Variants in ALPK3 observed in about 807,000 individuals in gnomAD.
The protein encoded by ALPK3 is alpha kinase 3.
Under a neutral mutation model 140.0 loss-of-function variants are expected in ALPK3, and 102 were observed. The ratio of observed to expected loss-of-function variants is 0.73; its 90% confidence interval spans 0.62 to 0.86. The LOEUF is 0.86. Among genes scored for constraint, ALPK3 ranks in the 40% least tolerant of loss-of-function variants. The pLI, the probability that ALPK3 is intolerant of heterozygous loss-of-function variation, is 0.00. For synonymous variants in ALPK3, 938 were observed against 898.5 expected (o/e 1.04, Z -0.79); for missense variants, 2,254 against 2,208.2 (o/e 1.02, Z -0.42).
rs542285434 is a variant in ALPK3, at chr15:84,855,758, A to G, written c.1654-634A>G. 2.0e-5 allele frequency among the ~76,000 whole-genome samples: 3 copies of G among 152,342 alleles called. No homozygotes were observed. The South Asian group carries it at 6.2e-4, about 32-fold the overall frequency. On this transcript the variant is annotated intron_variant, in intron 5 of 13. Coordinates refer to ENST00000258888, the MANE Select transcript of ALPK3 (RefSeq NM_020778.5). ...CTGTATGAGGAGTAAGTGGGGTAATATCATATACAGGGGCCTAGCATAGTG... is the reference window on the plus strand; with the variant it reads ...CTGTATGAGGAGTAAGTGGGGTAATGTCATATACAGGGGCCTAGCATAGTG...
intron 10 of ALPK3, 45 bp downstream of exon 10, chr15:84,862,960 C>A (rs762012315): frequency 4.5e-5 from 72 of 1,583,702 alleles, no homozygotes; most frequent in Admixed American, 1.4e-4. Context: ...TTCTCTCACC[C>A]CCTCCCCTTT....
intron 3 of ALPK3, among the ~76,000 whole-genome samples, chr15:84,832,232 G>T (rs1208090711): frequency 6.6e-6 from 1 of 152,138 alleles, no homozygotes; most frequent in Non-Finnish European, 1.5e-5. Flanking sequence ...TTCTGGTGTC[G>T]AAAGGATAGT....
chr15:84,842,391 T>A (rs1405388596), intron 5 of ALPK3, among the ~76,000 whole-genome samples: 1 of 152,224 alleles, frequency 6.6e-6, no homozygotes, highest in Non-Finnish European at 1.5e-5. Context: ...CTGGTTTTGG[T>A]GAGAACTAAG....
intron 9 of ALPK3, among the ~76,000 whole-genome samples, chr15:84,861,230 A>G (rs1274815068): frequency 2.6e-5 from 4 of 152,120 alleles, no homozygotes; most frequent in Non-Finnish European, 4.4e-5. Context: ...TTCCTTTGCC[A>G]TATGTTTGTT....
At chr15:84,841,820 G>C (rs1028752029) in intron 5 of ALPK3, among the ~76,000 whole-genome samples, 1 of 152,116 alleles carries the variant, frequency 6.6e-6, no homozygotes, top group Non-Finnish European at 1.5e-5. Context: ...GGGCTTGGGG[G>C]GCATTATTTC....
At position 84,858,290 on chromosome 15, in the gene ALPK3, A is replaced by AGAAAGG. The variant is rs756614935; in HGVS notation, c.3555_3560dup (p.Arg1186_Glu1187dup). 1.3e-5 allele frequency: 21 copies of AGAAAGG among 1,581,008 alleles called. No homozygotes were observed. Among genetic ancestry groups the AGAAAGG allele is most frequent in the Admixed American group, 1.8e-5 (1 of 54,928 alleles). On this transcript the variant is annotated inframe_insertion, in exon 6 of 14. Transcript: ENST00000258888. ...GAGACGGGGAGGCAACCACACCTGA[A>AGAAAGG]GAAAGGGAGAGCCCCACGGTTTCCC... is the stretch of plus-strand genomic sequence containing the variant.
chr15:84,825,706 T>C (rs539927547), intron 2 of ALPK3, among the ~76,000 whole-genome samples: 10 of 152,314 alleles, frequency 6.6e-5, no homozygotes, highest in African/African-American at 2.4e-4. Flanking sequence ...AATTGCAGAC[T>C]CATGGAAGTA....
At chr15:84,852,704 C>T (rs1050947373) in intron 5 of ALPK3, 7 of 179,010 alleles carry the variant, frequency 3.9e-5, no homozygotes, top group South Asian at 3.6e-4. Flanking sequence ...CCACGGAAAG[C>T]GAAACCGTGA....
chr15:84,855,238 C>G, intron 5 of ALPK3, among the ~76,000 whole-genome samples: 1 of 152,170 alleles, frequency 6.6e-6, no homozygotes. Flanking sequence ...CTTGGGGTGA[C>G]CTTTGTCTAC....
At chr15:84,824,929 C>T (rs577396047) in intron 2 of ALPK3, among the ~76,000 whole-genome samples, 4 of 152,076 alleles carry the variant, frequency 2.6e-5, no homozygotes, top group African/African-American at 4.8e-5. Context: ...CTTGTGGCAA[C>T]GAGAAGCTGT....
intron 1 of ALPK3, among the ~76,000 whole-genome samples, chr15:84,822,370 GTGT>G (rs958923089): frequency 1.3e-5 from 2 of 152,164 alleles, no homozygotes; most frequent in African/African-American, 4.8e-5. Context: ...GATGGGTTTG[GTGT>G]TGTGGTTATA....
intron 5 of ALPK3, among the ~76,000 whole-genome samples, chr15:84,841,780 G>A (rs1198608885): frequency 3.3e-5 from 5 of 152,076 alleles, no homozygotes; most frequent in Admixed American, 6.6e-5. Context: ...GAAACAATTC[G>A]TCCCTTTTGG....
chr15:84,845,174 A>C (rs1253145065), intron 5 of ALPK3, among the ~76,000 whole-genome samples: 3 of 151,316 alleles, frequency 2.0e-5, no homozygotes, highest in African/African-American at 7.3e-5. Flanking sequence ...CCTGGTCTTA[A>C]TGCTGTTTGA....
At position 84,857,826 on chromosome 15, in the gene ALPK3, C is replaced by G; in HGVS notation, c.3088C>G (p.Leu1030Val). Residue 1030 changes from leucine (L) to valine (V), a missense_variant, in exon 6 of 14, where the codon CTG becomes GTG. Leu to Val is a conservative substitution (Grantham distance 32). This residue lies in a region of ALPK3 where 2,088 missense variants were observed against 2,022.9 expected (regional missense o/e 1.03). Coordinates refer to ENST00000258888, the MANE Select transcript of ALPK3 (RefSeq NM_020778.5). ...CCACCTGGTGCAGAGTGCACAGACC[C>G]TGCTGCTGAGCCCCTGTACCTCCCG... ...NNHLVQSAQT[L>V]LLSPCTSRRL... 6.2e-7 allele frequency: 1 copy of G among 1,610,930 alleles called. No homozygotes were observed. The highest frequency in any genetic ancestry group is 2.2e-5 in the East Asian group (1 of 44,768).
chr15:84,858,497 G>A lies in ALPK3; in HGVS notation c.3759G>A (p.Leu1253=), dbSNP rs1461597113. The change falls in exon 6 of 14, where the codon CTG becomes CTA. Residue 1253 remains leucine, a synonymous_variant. Transcript: ENST00000258888. The part of the protein sequence containing the change: ...KAGGLDTEVA[L]DEGKQETLAK... ...GCGGTCTGGACACAGAGGTGGCCCT[G>A]GATGAAGGCAAGCAGGAGACACTGG... 1.3e-6 allele frequency: 2 copies of A among 1,583,276 alleles called. No homozygotes were observed. The highest frequency in any genetic ancestry group is 1.1e-5 in the South Asian group (1 of 87,190).
intron 3 of ALPK3, among the ~76,000 whole-genome samples, chr15:84,829,482 G>A (rs2141550098): frequency 6.6e-6 from 1 of 152,352 alleles, no homozygotes; most frequent in Non-Finnish European, 1.5e-5. Flanking sequence ...TTCAGCATGG[G>A]CTTCTCGTGA....
In ALPK3 at chr15:84,839,950, A is replaced by G; in HGVS notation, c.671A>G (p.Lys224Arg). 6.2e-7 allele frequency: 1 copy of G among 1,613,570 alleles called. No homozygotes were observed. The change falls in exon 5 of 14, where the codon AAG (lysine) becomes AGG (arginine). Residue 224 changes from lysine to arginine, a missense_variant. Transcript: ENST00000258888. ...RKLSPDRFQR[K>R]RRLSGAQAPG... ...CTCAGCCCCGACCGCTTCCAGCGAAAGCGGCGATTGAGCGGGGCTCAAGCG... is the reference window on the plus strand; with the variant it reads ...CTCAGCCCCGACCGCTTCCAGCGAAGGCGGCGATTGAGCGGGGCTCAAGCG...
At chr15:84,861,598 T>C (rs948719505) in intron 9 of ALPK3, among the ~76,000 whole-genome samples, 2 of 152,262 alleles carry the variant, frequency 1.3e-5, no homozygotes, top group African/African-American at 4.8e-5. Context: ...CCTAAATCTA[T>C]TATTTCATTA....
chr15:84,854,407 C>T (rs1963838394), intron 5 of ALPK3, among the ~76,000 whole-genome samples: 1 of 152,078 alleles, frequency 6.6e-6, no homozygotes, highest in Non-Finnish European at 1.5e-5. Context: ...TTGCCTCAGC[C>T]TCAGAGTAGC....
Sources: allele counts gnomAD v4.1 joint callset (sites outside exome capture counted in the v4.1 genomes callset), GRCh38; gene constraint gnomAD v4.1.1; regional missense constraint gnomAD v4.1.1; transcripts MANE v1.5; gene names NCBI Gene and HGNC (gene_info 2026-07-23, HGNC 2026-07-21).